Variants in TMEM263 observed in about 807,000 individuals in gnomAD.
The protein encoded by TMEM263 is UPF0444 transmembrane protein C12orf23.
In TMEM263, 5 loss-of-function variants were observed where a neutral mutation model predicts 8.6. The observed-to-expected ratio is 0.58, with a 90% CI of 0.31 to 1.23. TMEM263 has a LOEUF of 1.23. Among genes scored for constraint, TMEM263 ranks in the 50% most tolerant of loss-of-function variants. The pLI is 0.07. For synonymous variants in TMEM263, 50 were observed against 47.9 expected, an observed-to-expected ratio of 1.04 and a Z score of -0.18; for missense variants, 104 against 138.8, an observed-to-expected ratio of 0.75 and a Z score of 1.26.
At chr12:106,963,356 T>C (rs1300800657) in intron 2 of TMEM263, among the ~76,000 whole-genome samples, 2 of 152,196 alleles carry the variant, frequency 1.3e-5, no homozygotes, top group Non-Finnish European at 2.9e-5. Context: ...AAGTAAGAGA[T>C]TATGATGGCT....
intron 1 of TMEM263, 110 bp from the exon 2 acceptor site, chr12:106,956,972 G>T (rs1484351352): frequency 3.2e-6 from 2 of 623,390 alleles, no homozygotes; most frequent in Non-Finnish European, 4.0e-6. Context: ...GAAACACCTA[G>T]AGAAAAGGGA....
chr12:106,970,996 A>C, intron 3 of TMEM263, 109 bp from the exon 4 acceptor site: 6 of 1,180,746 alleles, frequency 5.1e-6, no homozygotes, highest in Non-Finnish European at 7.2e-6. Flanking sequence ...TGGCCTTATC[A>C]AATCAACCTC....
At chr12:106,963,802 A>G (rs1163277079) in intron 2 of TMEM263, among the ~76,000 whole-genome samples, 1 of 152,230 alleles carries the variant, frequency 6.6e-6, no homozygotes, top group East Asian at 1.9e-4. Context: ...AGGATATAGA[A>G]AAATAATTGT....
chr12:106,964,001 A>G (rs1951812713), intron 2 of TMEM263, among the ~76,000 whole-genome samples: 1 of 152,108 alleles, frequency 6.6e-6, no homozygotes, highest in Non-Finnish European at 1.5e-5. Flanking sequence ...AGGGTATGGT[A>G]CCTTCTGTTG....
intron 2 of TMEM263, among the ~76,000 whole-genome samples, chr12:106,960,710 G>A (rs889622113): frequency 1.3e-5 from 2 of 151,912 alleles, no homozygotes; most frequent in South Asian, 2.1e-4. Context: ...TCTCTTGAAA[G>A]TCTAGTTATC....
At chr12:106,958,882 A>AT (rs1951733479) in intron 2 of TMEM263, among the ~76,000 whole-genome samples, 1 of 152,196 alleles carries the variant, frequency 6.6e-6, no homozygotes, top group Non-Finnish European at 1.5e-5. Flanking sequence ...AAGTGCTGGG[A>AT]TTACAGGCAT....
chr12:106,967,019 T>A, intron 2 of TMEM263, 92 bp from the exon 3 acceptor site: 1 of 786,210 alleles, frequency 1.3e-6, no homozygotes, highest in Non-Finnish European at 2.1e-6. Context: ...TTTATCTGAA[T>A]AATGTTGATG....
intron 2 of TMEM263, 55 bp from the exon 3 acceptor site, chr12:106,967,056 G>C: frequency 9.0e-7 from 1 of 1,113,936 alleles, no homozygotes; most frequent in Non-Finnish European, 1.3e-6. Flanking sequence ...TGTGATAAGA[G>C]GTAGTCTCAC....
intron 2 of TMEM263, among the ~76,000 whole-genome samples, chr12:106,963,480 C>A (rs1951804840): frequency 6.6e-6 from 1 of 152,120 alleles, no homozygotes; most frequent in Non-Finnish European, 1.5e-5. Context: ...TCAAAGGTGA[C>A]CCTGGCATTT....
At chr12:106,958,481 A>T (rs776553190) in intron 2 of TMEM263, among the ~76,000 whole-genome samples, 1 of 152,202 alleles carries the variant, frequency 6.6e-6, no homozygotes, top group Non-Finnish European at 1.5e-5. Context: ...GCCAGCTGCT[A>T]AATCTATGTG....
At chr12:106,958,610 A>G (rs1593461679) in intron 2 of TMEM263, among the ~76,000 whole-genome samples, 1 of 152,206 alleles carries the variant, frequency 6.6e-6, no homozygotes, top group African/African-American at 2.4e-5. Context: ...ATATGTCACA[A>G]TTTCTTAAAA....
intron 2 of TMEM263, among the ~76,000 whole-genome samples, chr12:106,965,790 G>T (rs1951836574): frequency 6.6e-6 from 1 of 151,452 alleles, no homozygotes; most frequent in South Asian, 2.1e-4. Context: ...CATCTGTATT[G>T]ATATATACAT....
chr12:106,965,605 CAAA>C (rs199982435), intron 2 of TMEM263, among the ~76,000 whole-genome samples: 4 of 115,710 alleles, frequency 3.5e-5, no homozygotes, highest in Non-Finnish European at 1.9e-5. Flanking sequence ...GACTCTGTCT[CAAA>C]AAAAAAAAAA....
intron 3 of TMEM263, 28 bp from the exon 4 acceptor site, chr12:106,971,077 A>C (rs769349902): frequency 6.2e-7 from 1 of 1,608,298 alleles, no homozygotes; most frequent in Admixed American, 1.7e-5. Flanking sequence ...CTTATATTTG[A>C]TTGTCTCATG....
chr12:106,965,869 CA>C (rs1951838351), intron 2 of TMEM263, among the ~76,000 whole-genome samples: 1 of 151,918 alleles, frequency 6.6e-6, no homozygotes, highest in South Asian at 2.1e-4. Flanking sequence ...TTAAGAACAG[CA>C]AAAAGTCATC....
intron 3 of TMEM263, 61 bp from the exon 4 acceptor site, chr12:106,971,044 A>G: frequency 6.4e-7 from 1 of 1,557,796 alleles, no homozygotes; most frequent in Non-Finnish European, 8.8e-7. Context: ...AATGATGTGT[A>G]CTGCTCTTTT....
At position 106,971,461 on chromosome 12, in the gene TMEM263, A is replaced by G; in HGVS notation, c.*70A>G. On this transcript the variant is annotated 3_prime_UTR_variant, in exon 4 of 4. Coordinates refer to ENST00000280756, the MANE Select transcript of TMEM263 (RefSeq NM_152261.4). Reference sequence around the variant, plus strand: ...GCATTGAATTGCTAAATTATGGACTACAACCAAGTCAACTGTTTTGGACGT... The same window carrying G: ...GCATTGAATTGCTAAATTATGGACTGCAACCAAGTCAACTGTTTTGGACGT... 2 of 1,456,762 alleles carry G rather than the reference A, an allele frequency of 1.4e-6. No individual in the cohort carries two copies. Among genetic ancestry groups the G allele is most frequent in the Non-Finnish European group, 1.8e-6 (2 of 1,083,892 alleles). 90.2% of individuals were successfully genotyped at this position (1,456,762 alleles called of 1,614,324 possible).
rs1008336495 is a variant in TMEM263, at chr12:106,973,905, A to ATTT, written c.*2514_*2515insTTT. 1.8e-4 allele frequency: 28 copies of ATTT among 152,648 alleles called. No individual in the cohort carries two copies. The highest frequency in any genetic ancestry group is 6.8e-4 in the African/African-American group (28 of 41,452). 9.5% of individuals were successfully genotyped at this position (152,648 alleles called of 1,614,324 possible). On this transcript the variant is annotated 3_prime_UTR_variant, in exon 4 of 4. Coordinates refer to ENST00000280756, the MANE Select transcript of TMEM263 (RefSeq NM_152261.4). ...ACTTAGTGAAATGTCAGATGAAAAT[A>ATTT]ACTGATGAATAATTTTTTTGTATTA...
rs1036460527 is a variant in TMEM263 at position 106,957,092 on chromosome 12, T to G, written c.-64T>G. 2.0e-6 allele frequency: 2 copies of G among 985,390 alleles called. No individual in the cohort carries two copies. The highest frequency in any genetic ancestry group is 3.5e-5 in the African/African-American group (2 of 57,232). The allele number at this position is 985,390 out of a possible 1,614,324, so 61.0% of individuals were successfully genotyped here. On this transcript the variant is annotated 5_prime_UTR_variant, in exon 2 of 4. Coordinates refer to ENST00000280756, the MANE Select transcript of TMEM263 (RefSeq NM_152261.4). ...TATGCTATTGTTTAGCCTTTGAAAC[T>G]TCTGCTGGTGTGAGTGCCCTCAGGG...
Sources: allele counts gnomAD v4.1 joint callset (sites outside exome capture counted in the v4.1 genomes callset), GRCh38; gene constraint gnomAD v4.1.1; transcripts MANE v1.5; gene names NCBI Gene and HGNC (gene_info 2026-07-23, HGNC 2026-07-21).